Variants in NECTIN3 observed in about 807,000 individuals in gnomAD.
NECTIN3 encodes the protein nectin cell adhesion molecule 3.
In NECTIN3, 8 loss-of-function variants were observed where a neutral mutation model predicts 49.4. That is an observed-to-expected ratio of 0.16 (90% CI 0.10 to 0.29). The LOEUF is 0.29. NECTIN3 is among the 10% of genes least tolerant of loss of function. The pLI, the probability that NECTIN3 is intolerant of heterozygous loss-of-function variation, is 1.00. For missense variants in NECTIN3, 581 were observed against 654.6 expected (o/e 0.89, Z 1.23); for synonymous variants, 277 against 241.1 (o/e 1.15, Z -1.38).
chr3:111,136,731 A>C lies in NECTIN3; in HGVS notation c.*2516A>C. On this transcript the variant is annotated 3_prime_UTR_variant, in exon 6 of 6. Coordinates refer to ENST00000485303, the MANE Select transcript of NECTIN3 (RefSeq NM_015480.3). ...CCATATTTATATTTATTTCTTTCAT[A>C]TGGTTTGAACTGTTTTAGCATTTTG... 1.1e-6 allele frequency: 1 copy of C among 919,722 alleles called. No homozygotes were observed. The highest frequency in any genetic ancestry group is 1.3e-6 in the Non-Finnish European group (1 of 770,554). 57.0% of individuals were successfully genotyped at this position (919,722 alleles called of 1,614,324 possible). A position where few individuals can be genotyped will look rare whatever the true frequency, so the allele number is the denominator to read the frequency against.
Position 111,095,960 on chromosome 3 carries a change from G to A in NECTIN3, c.161-16070G>A, listed in dbSNP as rs111346308. 3.2e-3 allele frequency among the ~76,000 whole-genome samples: 488 copies of A among 152,268 alleles called. 4 individuals are homozygous for A. The highest frequency in any genetic ancestry group is 0.011 in the African/African-American group (460 of 41,568). ...ATAGTAAATTGGTGTCAGTGGAGTGGGGCATTACTGAAAAGATGCCTGAAC... is the reference window on the plus strand; with the variant it reads ...ATAGTAAATTGGTGTCAGTGGAGTGAGGCATTACTGAAAAGATGCCTGAAC... On this transcript the variant is annotated intron_variant, in intron 1 of 5. Transcript: ENST00000485303.
chr3:111,134,013 G>C lies in NECTIN3; in HGVS notation c.1448G>C (p.Arg483Pro). 1 of 1,612,766 alleles carries C rather than the reference G, an allele frequency of 6.2e-7. No individual in the cohort carries two copies. Among genetic ancestry groups the C allele is most frequent in the Non-Finnish European group, 8.5e-7 (1 of 1,179,438 alleles). The change falls in exon 6 of 6, where the codon CGT becomes CCT. Residue 483 changes from arginine (R) to proline (P), a missense_variant. By Grantham distance (103) the Arg-to-Pro change is moderately radical. This residue lies in a region of NECTIN3 where 238 missense variants were observed against 244.9 expected (regional missense o/e 0.97). Coordinates refer to ENST00000485303, the MANE Select transcript of NECTIN3 (RefSeq NM_015480.3). Reference protein sequence around the residue: ...ENKNPVNNLIRKDYLEEPEKT... With the variant: ...ENKNPVNNLIPKDYLEEPEKT... ...AAAAATCCAGTGAACAATCTAATAC[G>C]TAAAGACTATTTAGAAGAGCCTGAA...
At chr3:111,080,370 G>C (rs1433153892) in intron 1 of NECTIN3, among the ~76,000 whole-genome samples, 2 of 151,906 alleles carry the variant, frequency 1.3e-5, no homozygotes, top group Non-Finnish European at 2.9e-5. Flanking sequence ...AGTAGCTGGT[G>C]AAATTTGTAT....
At chr3:111,098,739 T>C (rs1333956314) in intron 1 of NECTIN3, among the ~76,000 whole-genome samples, 1 of 152,192 alleles carries the variant, frequency 6.6e-6, no homozygotes, top group Non-Finnish European at 1.5e-5. Flanking sequence ...ATATGTGAAC[T>C]GTTAGACCAG....
chr3:111,180,127 C>T (rs569390075), intron 7 of NECTIN3, among the ~76,000 whole-genome samples: 2 of 152,198 alleles, frequency 1.3e-5, no homozygotes, highest in South Asian at 2.1e-4. Flanking sequence ...ACTAAATACC[C>T]CTATCTTTTA....
chr3:111,174,723 TTGGGGGG>T (rs2035493869), intron 7 of NECTIN3, among the ~76,000 whole-genome samples: 2 of 115,880 alleles, frequency 1.7e-5, no homozygotes, highest in Non-Finnish European at 3.5e-5. Context: ...CCACTGAGGT[TTGGGGGG>T]TGGGGGGTGG....
At chr3:111,133,321 TA>T (rs2034457744) in intron 5 of NECTIN3, among the ~76,000 whole-genome samples, 1 of 151,974 alleles carries the variant, frequency 6.6e-6, no homozygotes, top group African/African-American at 2.4e-5. Context: ...TACTCTTCAT[TA>T]AAAAAATAAG....
chr3:111,072,842 C>T, intron 1 of NECTIN3: 1 of 359,904 alleles, frequency 2.8e-6, no homozygotes, highest in South Asian at 2.8e-5. Context: ...ACAAGATTTA[C>T]GTGTTAAATA....
intron 2 of NECTIN3, among the ~76,000 whole-genome samples, chr3:111,113,669 C>G (rs2033567249): frequency 6.6e-6 from 1 of 152,054 alleles, no homozygotes; most frequent in Admixed American, 6.6e-5. Flanking sequence ...TATCTGAAAA[C>G]TCACATGGAG....
chr3:111,146,594 A>T (rs969581776), intron 6 of NECTIN3, among the ~76,000 whole-genome samples: 1 of 152,182 alleles, frequency 6.6e-6, no homozygotes, highest in Non-Finnish European at 1.5e-5. Flanking sequence ...ATACTAGTTT[A>T]TGCTCATTGA....
intron 7 of NECTIN3, among the ~76,000 whole-genome samples, chr3:111,154,454 A>G (rs1672223613): frequency 6.6e-6 from 1 of 152,172 alleles, no homozygotes; most frequent in African/African-American, 2.4e-5. Flanking sequence ...CAAAGTTGCT[A>G]TGAACATTTA....
At chr3:111,106,046 C>A (rs1016561685) in intron 1 of NECTIN3, among the ~76,000 whole-genome samples, 2 of 147,606 alleles carry the variant, frequency 1.4e-5, no homozygotes, top group African/African-American at 2.5e-5. Flanking sequence ...TCTGTAGGTA[C>A]TTTCTTCACT....
intron 1 of NECTIN3, among the ~76,000 whole-genome samples, chr3:111,110,980 T>C (rs1241493311): frequency 6.6e-6 from 1 of 152,158 alleles, no homozygotes; most frequent in African/African-American, 2.4e-5. Context: ...GGTGATGCCC[T>C]TCTGCATTTC....
rs1422398884 is a variant in NECTIN3 at position 111,168,878 on chromosome 3, C to T, written c.1221+21394C>T. On this transcript the variant is annotated intron_variant, in intron 7 of 8. Transcript: ENST00000493615. ...GCATTCAGTACATTGATGGATAGAT[C>T]GTTAGATCTGCATTTATTAAAAATC... 3.3e-5 allele frequency among the ~76,000 whole-genome samples: 5 copies of T among 152,234 alleles called. No homozygotes were observed. The South Asian group carries it at 6.2e-4, about 19-fold the overall frequency.
At chr3:111,140,382 T>C (rs1229995236), downstream of NECTIN3, among the ~76,000 whole-genome samples, 1 of 151,756 alleles carries the variant, frequency 6.6e-6, no homozygotes, top group East Asian at 1.9e-4. Flanking sequence ...TGACTTGTTA[T>C]ATCTGGTTAG....
At chr3:111,173,466 A>G (rs1418245789) in intron 7 of NECTIN3, among the ~76,000 whole-genome samples, 1 of 152,224 alleles carries the variant, frequency 6.6e-6, no homozygotes, top group Non-Finnish European at 1.5e-5. Context: ...GAACCTCACA[A>G]TTGGTTCAAT....
chr3:111,144,143 A>T (rs2399376), intron 5 of NECTIN3, among the ~76,000 whole-genome samples: 2 of 151,824 alleles, frequency 1.3e-5, no homozygotes, highest in Admixed American at 6.6e-5. Context: ...TTGTAATTCA[A>T]TTTTTTGGAA....
chr3:111,192,402 C>A lies in NECTIN3; in HGVS notation c.52C>A (p.Leu18Ile), dbSNP rs146210788. Residue 18 changes from leucine to isoleucine, a missense_variant, in exon 1 of 2, where the codon CTT becomes ATT. Transcript: ENST00000485506. ...GTTCAAAGAAAGAGAAGTTGGCAAT[C>A]TTCAGCACTCTGTAAGTAACTGTGT... 1,037 of 1,535,546 alleles carry A rather than the reference C, an allele frequency of 6.8e-4. 5 individuals carry two copies. In the African/African-American group the frequency reaches 0.011, roughly 17 times the overall value.
At chr3:111,076,309 A>G (rs2031196209) in intron 1 of NECTIN3, among the ~76,000 whole-genome samples, 3 of 152,122 alleles carry the variant, frequency 2.0e-5, no homozygotes, top group Admixed American at 6.6e-5. Context: ...CTTAACCCTT[A>G]AAAATTAGTG....
Sources: gnomAD v4.1 joint callset for allele counts (sites outside exome capture counted in the v4.1 genomes callset) on GRCh38, gnomAD v4.1.1 for gene constraint, gnomAD v4.1.1 regional missense constraint, MANE v1.5 for transcripts, NCBI Gene and HGNC (gene_info 2026-07-23, HGNC 2026-07-21) for gene names.